The following TMEM135 variants were observed in gnomAD, a reference collection of about 807,000 sequenced individuals.
TMEM135 encodes the protein peroxisomal membrane protein 52.
TMEM135 carries 30 observed loss-of-function variants against 60.3 expected under a neutral mutation model. That is an observed-to-expected ratio of 0.50 (90% CI 0.37 to 0.68). TMEM135 has a LOEUF of 0.68. Among genes scored for constraint, TMEM135 ranks in the 30% least tolerant of loss-of-function variants. The probability of loss-of-function intolerance (pLI) is 0.00; values close to 1 mark genes in which losing one functional copy is unlikely to be tolerated. For synonymous variants in TMEM135, 190 were observed against 186.7 expected (o/e 1.02, Z -0.14); for missense variants, 468 against 548.8 (o/e 0.85, Z 1.47).
chr11:87,073,485 A>G (rs1387388496), intron 3 of TMEM135, among the ~76,000 whole-genome samples: 1 of 152,194 alleles, frequency 6.6e-6, no homozygotes, highest in Non-Finnish European at 1.5e-5. Context: ...AACCTCAGCA[A>G]AATCAAGTCA....
intron 7 of TMEM135, among the ~76,000 whole-genome samples, chr11:87,300,452 G>A (rs1942424232): frequency 6.6e-6 from 1 of 152,178 alleles, no homozygotes; most frequent in Admixed American, 6.5e-5. Context: ...CTTTAGGCCA[G>A]ACAATTCTGG....
Position 87,157,389 on chromosome 11 carries a change from A to G in TMEM135, c.445A>G (p.Thr149Ala). The G allele has an allele frequency of 6.2e-7, 1 of 1,613,310 alleles. No individual in the cohort carries two copies. Among genetic ancestry groups the G allele is most frequent in the Non-Finnish European group, 8.5e-7 (1 of 1,179,552 alleles). ...RMGVARGTITTLRNGEVLLFC... is the reference protein window; with the variant it reads ...RMGVARGTITALRNGEVLLFC... ...GGGTGTAGCAAGAGGAACCATCACAACATTAAGAAATGGAGAAGTAAGATG... is the reference window on the plus strand; with the variant it reads ...GGGTGTAGCAAGAGGAACCATCACAGCATTAAGAAATGGAGAAGTAAGATG... Residue 149 changes from threonine to alanine, a missense_variant, in exon 5 of 15, where the codon ACA (threonine) becomes GCA (alanine). Coordinates refer to ENST00000305494, the MANE Select transcript of TMEM135 (RefSeq NM_022918.4).
At chr11:87,189,808 T>G (rs61905593) in intron 5 of TMEM135, among the ~76,000 whole-genome samples, 12 of 150,840 alleles carry the variant, frequency 8.0e-5, no homozygotes, top group Middle Eastern at 3.2e-3. Flanking sequence ...TCCCAGCTAC[T>G]TGGGAGGCTG....
intron 4 of TMEM135, among the ~76,000 whole-genome samples, chr11:87,137,066 G>A (rs2135240051): frequency 6.6e-6 from 1 of 152,180 alleles, no homozygotes; most frequent in African/African-American, 2.4e-5. Flanking sequence ...TCAGTTATTA[G>A]AGAAGGGTGT....
At position 87,090,924 on chromosome 11, in the gene TMEM135, C is replaced by T. The variant is rs368209987; in HGVS notation, c.363-438C>T. ...TGAAACAATTGTATTGTGTGTGAAA[C>T]AGATAGAAGGCTTGTTTTATTTATT... On this transcript the variant is annotated intron_variant, in intron 3 of 14. Coordinates refer to ENST00000305494, the MANE Select transcript of TMEM135 (RefSeq NM_022918.4). 9.9e-5 allele frequency among the ~76,000 whole-genome samples: 15 copies of T among 152,122 alleles called. No individual in the cohort carries two copies. In the East Asian group the frequency reaches 2.1e-3, roughly 21 times the overall value.
At chr11:87,163,400 G>A (rs1396655343) in intron 5 of TMEM135, among the ~76,000 whole-genome samples, 2 of 143,062 alleles carry the variant, frequency 1.4e-5, no homozygotes, top group Non-Finnish European at 1.5e-5. Flanking sequence ...GTATTCCATG[G>A]TGTATATGTG....
chr11:87,129,213 A>ATTTTTTTTTTTTTTTTTTTTTT (rs71040295), intron 4 of TMEM135, among the ~76,000 whole-genome samples: 7 of 116,154 alleles, frequency 6.0e-5, no homozygotes, highest in African/African-American at 1.0e-4. Flanking sequence ...TTATTCCTTA[A>ATTTTTTTTTTTTTTTTTTTTTT]TTTTTTTTTT....
At chr11:87,123,077 C>T (rs1937628677) in intron 4 of TMEM135, among the ~76,000 whole-genome samples, 1 of 152,148 alleles carries the variant, frequency 6.6e-6, no homozygotes, top group African/African-American at 2.4e-5. Flanking sequence ...TTTATGGATG[C>T]TGAAATTTGG....
intron 3 of TMEM135, among the ~76,000 whole-genome samples, chr11:87,078,541 A>G (rs1316050075): frequency 6.6e-6 from 1 of 152,100 alleles, no homozygotes; most frequent in Non-Finnish European, 1.5e-5. Context: ...CACTTCATTG[A>G]TCTTGTCTTT....
intron 4 of TMEM135, among the ~76,000 whole-genome samples, chr11:87,132,131 A>C (rs1190083144): frequency 1.3e-5 from 2 of 152,166 alleles, no homozygotes; most frequent in Non-Finnish European, 2.9e-5. Flanking sequence ...CAATGTAATA[A>C]GATAAATAAA....
intron 6 of TMEM135, among the ~76,000 whole-genome samples, chr11:87,252,101 G>A (rs143769507): frequency 0.022 from 3,369 of 152,214 alleles, 74 homozygotes; most frequent in Non-Finnish European, 0.037. Context: ...TTTGCTAGAG[G>A]ATTAAGGGTT....
chr11:87,086,250 T>C (rs1456728851), intron 3 of TMEM135, among the ~76,000 whole-genome samples: 2 of 152,116 alleles, frequency 1.3e-5, no homozygotes, highest in African/African-American at 4.8e-5. Flanking sequence ...TGTGAGGTAT[T>C]GATGCAGGAT....
chr11:87,236,587 A>C, intron 5 of TMEM135, 51 bp from the exon 6 acceptor site: 1 of 1,541,996 alleles, frequency 6.5e-7, no homozygotes, highest in Non-Finnish European at 9.0e-7. Context: ...AGTCACTCAA[A>C]TGGTGATGTC....
intron 5 of TMEM135, among the ~76,000 whole-genome samples, chr11:87,218,671 T>C (rs997605828): frequency 2.6e-5 from 4 of 152,112 alleles, no homozygotes; most frequent in Non-Finnish European, 4.4e-5. Context: ...GCTATAAAAA[T>C]GTGCTGTAGG....
intron 1 of TMEM135, among the ~76,000 whole-genome samples, chr11:87,053,543 A>G (rs1949862331): frequency 1.3e-5 from 2 of 152,188 alleles, no homozygotes; most frequent in African/African-American, 4.8e-5. Flanking sequence ...TTAACAAAGA[A>G]CTAAATAAAA....
In TMEM135 at chr11:87,321,192, G is replaced by A; in HGVS notation, c.1245-9G>A. 6.2e-7 allele frequency: 1 copy of A among 1,609,846 alleles called. No homozygotes were observed. The highest frequency in any genetic ancestry group is 8.5e-7 in the Non-Finnish European group (1 of 1,176,470). ...TTAATACTTGTTTACTGTATTCTTT[G>A]TTTTACAGATTTGCTGTCATGAACC... On this transcript the variant is annotated splice_polypyrimidine_tract_variant and intron_variant, in intron 14 of 14. Coordinates refer to ENST00000305494, the MANE Select transcript of TMEM135 (RefSeq NM_022918.4).
intron 6 of TMEM135, among the ~76,000 whole-genome samples, chr11:87,276,482 C>T (rs867966985): frequency 6.6e-6 from 1 of 151,334 alleles, no homozygotes; most frequent in Non-Finnish European, 1.5e-5. Flanking sequence ...TTTTGTTACT[C>T]TAGTACATTA....
intron 4 of TMEM135, among the ~76,000 whole-genome samples, chr11:87,101,801 C>A (rs919425211): frequency 8.5e-5 from 13 of 152,048 alleles, no homozygotes; most frequent in Middle Eastern, 3.2e-3. Flanking sequence ...ATGGATAAAC[C>A]CGTCTCTACT....
intron 5 of TMEM135, among the ~76,000 whole-genome samples, chr11:87,223,696 C>CAA (rs1940699912): frequency 6.7e-6 from 1 of 149,408 alleles, no homozygotes; most frequent in African/African-American, 2.5e-5. Flanking sequence ...CACACACACA[C>CAA]AAAATTAGCT....
Sources: allele counts gnomAD v4.1 joint callset (sites outside exome capture counted in the v4.1 genomes callset), GRCh38; gene constraint gnomAD v4.1.1; transcripts MANE v1.5; gene names NCBI Gene and HGNC (gene_info 2026-07-23, HGNC 2026-07-21).